ARHGEF33: variants seen among roughly 807,000 people sequenced by gnomAD.
ARHGEF33 encodes the protein DH and coiled-coil domain-containing protein ENSP00000381780.
In ARHGEF33, 72 loss-of-function variants were observed where a neutral mutation model predicts 101.9. The observed-to-expected ratio is 0.71, with a 90% confidence interval of 0.58 to 0.86. The LOEUF (loss-of-function observed/expected upper bound fraction) is 0.86, where lower values mean the gene tolerates loss of function less well. Ranked by LOEUF, ARHGEF33 falls within the 40% of genes least tolerant of loss-of-function variation. The probability of loss-of-function intolerance (pLI) is 0.00; values close to 1 mark genes in which losing one functional copy is unlikely to be tolerated. For synonymous variants in ARHGEF33, 499 were observed against 442.5 expected, an observed-to-expected ratio of 1.13 and a Z score of -1.60; for missense variants, 1,169 against 1,111.3, an observed-to-expected ratio of 1.05 and a Z score of -0.74.
At chr2:38,957,909 TG>T in intron 14 of ARHGEF33, 124 bp from the exon 15 acceptor site, 1 of 1,210,854 alleles carries the variant, frequency 8.3e-7, no homozygotes, top group Non-Finnish European at 1.2e-6. Flanking sequence ...CAAAGGCCCC[TG>T]GAGATAGAGA....
rs533228249 is a variant in ARHGEF33 at position 38,909,502 on chromosome 2, T to C, written c.-85-9861T>C. Reference sequence around the variant, plus strand: ...ACGACTGGCTAATTTCTTTTTTTTTTTTTTTTTTGTATTTTTTGTAGAGAC... The same window carrying C: ...ACGACTGGCTAATTTCTTTTTTTTTCTTTTTTTTGTATTTTTTGTAGAGAC... On this transcript the variant is annotated intron_variant, in intron 2 of 17. Transcript: ENST00000409978. 1.0e-3 allele frequency among the ~76,000 whole-genome samples: 156 copies of C among 150,202 alleles called. 1 individual carries two copies. The highest frequency in any genetic ancestry group is 3.5e-3 in the African/African-American group (142 of 41,088).
chr2:38,927,829 A>C (rs1666907886), intron 4 of ARHGEF33, among the ~76,000 whole-genome samples: 1 of 152,240 alleles, frequency 6.6e-6, no homozygotes, highest in South Asian at 2.1e-4. Context: ...AATGTCAAGA[A>C]AGTAATGTTA....
At chr2:38,950,373 TAGAA>T (rs1667568045) in intron 10 of ARHGEF33, among the ~76,000 whole-genome samples, 3 of 152,216 alleles carry the variant, frequency 2.0e-5, no homozygotes, top group Non-Finnish European at 4.4e-5. Context: ...AGGTATCCCT[TAGAA>T]TTTCCACTGC....
At chr2:38,893,639 A>G (rs137876681) in intron 1 of ARHGEF33, among the ~76,000 whole-genome samples, 99 of 152,280 alleles carry the variant, frequency 6.5e-4, no homozygotes, top group African/African-American at 2.1e-3. Flanking sequence ...ACAGTTATTT[A>G]TGTGTCTCAT....
At chr2:38,894,997 C>G (rs374074295) in intron 1 of ARHGEF33, among the ~76,000 whole-genome samples, 1 of 152,160 alleles carries the variant, frequency 6.6e-6, no homozygotes. Flanking sequence ...GGAAGCCAAG[C>G]TGGGAATAAA....
At chr2:38,968,246 A>C (rs1282892056) in intron 17 of ARHGEF33, among the ~76,000 whole-genome samples, 1 of 152,154 alleles carries the variant, frequency 6.6e-6, no homozygotes, top group Non-Finnish European at 1.5e-5. Flanking sequence ...TGCGTCATGA[A>C]GGAATGGATT....
intron 11 of ARHGEF33, among the ~76,000 whole-genome samples, chr2:38,952,539 C>T (rs1667637842): frequency 6.6e-6 from 1 of 152,156 alleles, no homozygotes. Flanking sequence ...ATAAAAGATA[C>T]ATTTTTATTG....
chr2:38,895,012 T>C (rs1303349883), intron 1 of ARHGEF33, among the ~76,000 whole-genome samples: 1 of 152,012 alleles, frequency 6.6e-6, no homozygotes. Flanking sequence ...AATAAACAGA[T>C]TCACCCAGAA....
At chr2:38,892,487 T>A (rs933761386) in intron 1 of ARHGEF33, among the ~76,000 whole-genome samples, 3 of 152,072 alleles carry the variant, frequency 2.0e-5, no homozygotes, top group Non-Finnish European at 4.4e-5. Context: ...GGGCAAAGGA[T>A]GAACAATGGG....
At chr2:38,934,065 A>T (rs1192826509) in intron 7 of ARHGEF33, among the ~76,000 whole-genome samples, 1 of 151,954 alleles carries the variant, frequency 6.6e-6, no homozygotes, top group African/African-American at 2.4e-5. Flanking sequence ...TTGAAAACTA[A>T]TTTTTTTGAA....
chr2:38,912,574 A>G (rs527337998), intron 2 of ARHGEF33, among the ~76,000 whole-genome samples: 75 of 152,358 alleles, frequency 4.9e-4, no homozygotes, highest in African/African-American at 1.7e-3. Flanking sequence ...ATGAAGAAAA[A>G]GGACTCTGTT....
intron 14 of ARHGEF33, among the ~76,000 whole-genome samples, chr2:38,957,499 T>C (rs1387212466): frequency 6.6e-6 from 1 of 152,236 alleles, no homozygotes; most frequent in Non-Finnish European, 1.5e-5. Context: ...GTTTCCTTTT[T>C]AGAGTTGGAC....
rs1216525515 is a variant in ARHGEF33 at position 38,960,473 on chromosome 2, C to T, written c.2168C>T (p.Pro723Leu). 2 of 1,478,512 alleles carry T rather than the reference C, an allele frequency of 1.4e-6. No individual in the cohort carries two copies. 91.6% of individuals were successfully genotyped at this position (1,478,512 alleles called of 1,614,324 possible). A position where few individuals can be genotyped will look rare whatever the true frequency, so the allele number is the denominator to read the frequency against. ...GCGCCGCCAGCCGACGGCGTGGCCC[C>T]ACGCCTCTACAGCACGCGCAGCAGC... ...PRAPPADGVAPRLYSTRSSSG... is the reference protein window; with the variant it reads ...PRAPPADGVALRLYSTRSSSG... The change falls in exon 16 of 18, where the codon CCA (proline) becomes CTA (leucine). Residue 723 changes from proline to leucine, a missense_variant. Coordinates refer to ENST00000409978, the MANE Select transcript of ARHGEF33 (RefSeq NM_001145451.5).
intron 2 of ARHGEF33, among the ~76,000 whole-genome samples, chr2:38,915,576 T>C (rs991947238): frequency 6.6e-6 from 1 of 151,944 alleles, no homozygotes; most frequent in African/African-American, 2.4e-5. Context: ...TTCACCATGT[T>C]GGCCAGGCTG....
chr2:38,929,306 G>A (rs1245145529), intron 5 of ARHGEF33, among the ~76,000 whole-genome samples: 10 of 152,132 alleles, frequency 6.6e-5, no homozygotes, highest in Admixed American at 4.6e-4. Flanking sequence ...GCAGGCGCCT[G>A]TAGTCCCAGC....
intron 17 of ARHGEF33, chr2:38,973,191 T>C (rs1325713071): frequency 6.6e-6 from 1 of 152,488 alleles, no homozygotes; most frequent in East Asian, 1.9e-4. Context: ...ATCTCTGCAA[T>C]CTGATTACTG....
chr2:38,947,346 G>A (rs1052713810), intron 10 of ARHGEF33, among the ~76,000 whole-genome samples: 6 of 152,224 alleles, frequency 3.9e-5, no homozygotes, highest in African/African-American at 1.2e-4. Flanking sequence ...GCACATTGCT[G>A]CTGGCTGAAA....
At chr2:38,956,761 TG>T in intron 13 of ARHGEF33, 137 bp from the exon 14 acceptor site, 1 of 1,035,014 alleles carries the variant, frequency 9.7e-7, no homozygotes. Context: ...TATAATTAGA[TG>T]GGGGTCATGT....
chr2:38,934,244 T>C (rs1415517483), intron 7 of ARHGEF33, among the ~76,000 whole-genome samples: 2 of 152,234 alleles, frequency 1.3e-5, no homozygotes, highest in African/African-American at 4.8e-5. Flanking sequence ...ATTTTACACC[T>C]ACTTTCTGGA....
Sources: gnomAD v4.1 joint callset for allele counts (sites outside exome capture counted in the v4.1 genomes callset) on GRCh38, gnomAD v4.1.1 for gene constraint, MANE v1.5 for transcripts, NCBI Gene and HGNC (gene_info 2026-07-23, HGNC 2026-07-21) for gene names.